The following BMPR1A variants were observed in gnomAD, a reference collection of about 807,000 sequenced individuals.
BMPR1A encodes bone morphogenetic protein receptor type-1A.
A neutral mutation model predicts 66.0 loss-of-function variants in BMPR1A; 7 were observed. The observed-to-expected ratio is 0.11, with a 90% CI of 0.06 to 0.20. BMPR1A has a LOEUF of 0.20. BMPR1A is among the 10% of genes least tolerant of loss of function. The pLI is 1.00. For synonymous variants in BMPR1A, 200 were observed against 229.7 expected, an observed-to-expected ratio of 0.87 and a Z score of 1.17; for missense variants, 408 against 669.1, an observed-to-expected ratio of 0.61 and a Z score of 4.31.
chr10:86,925,721 C>T lies in BMPR1A; in HGVS notation c.*2002C>T, dbSNP rs10634594. 0.012 allele frequency: 1,362 copies of T among 116,994 alleles called. 22 individuals are homozygous for T. The highest frequency in any genetic ancestry group is 0.043 in the Middle Eastern group (12 of 282). 7.2% of individuals were successfully genotyped at this position (116,994 alleles called of 1,614,324 possible). A position where few individuals can be genotyped will look rare whatever the true frequency, so the allele number is the denominator to read the frequency against. The stretch of plus-strand genomic sequence containing the variant: ...CATAATCTTTAAAATCATTTGTCAT[C>T]TTTTTTTTTTTTTTTTTGAGACGGA... On this transcript the variant is annotated 3_prime_UTR_variant, in exon 13 of 13. Coordinates refer to ENST00000372037, the MANE Select transcript of BMPR1A (RefSeq NM_004329.3).
chr10:86,760,232 C>T (rs1041703819), intron 1 of BMPR1A, among the ~76,000 whole-genome samples: 456 of 20,256 alleles, frequency 0.023, no homozygotes, highest in Middle Eastern at 0.033. Context: ...TTTTTTCTTT[C>T]TTTCTTTCTT....
At chr10:86,787,034 T>G (rs1483106510) in intron 1 of BMPR1A, among the ~76,000 whole-genome samples, 1 of 152,228 alleles carries the variant, frequency 6.6e-6, no homozygotes, top group Non-Finnish European at 1.5e-5. Context: ...ATCTTTATTG[T>G]TCTGAGAATA....
intron 1 of BMPR1A, among the ~76,000 whole-genome samples, chr10:86,761,205 A>G (rs762517077): frequency 9.9e-5 from 15 of 152,226 alleles, no homozygotes; most frequent in Non-Finnish European, 1.8e-4. Context: ...AGTTTAATAT[A>G]TAACTAATGA....
rs538644812 is a variant in BMPR1A at position 86,800,009 on chromosome 10, A to C, written c.-267-38856A>C. Among the ~76,000 whole-genome samples the C allele has an allele frequency of 7.9e-5, 12 of 152,318 alleles. 1 individual carries two copies. The East Asian group carries it at 1.9e-3, about 24-fold the overall frequency. ...GAAGATTTAACTAAAAACAAGAAAA[A>C]GAATAGTAGATGAACCATGATTCTT... On this transcript the variant is annotated intron_variant, in intron 1 of 12. Transcript: ENST00000372037.
At chr10:86,917,660 A>G (rs1007779563) in intron 9 of BMPR1A, among the ~76,000 whole-genome samples, 1 of 152,176 alleles carries the variant, frequency 6.6e-6, no homozygotes, top group Non-Finnish European at 1.5e-5. Flanking sequence ...TCCCTTTCAT[A>G]AGCTCAACAG....
chr10:86,812,675 A>T (rs1841987379), intron 1 of BMPR1A, among the ~76,000 whole-genome samples: 1 of 152,206 alleles, frequency 6.6e-6, no homozygotes. Context: ...TTTCAGGTTC[A>T]CAGCAAAATT....
At chr10:86,763,322 C>G (rs1280950841) in intron 1 of BMPR1A, among the ~76,000 whole-genome samples, 2 of 152,112 alleles carry the variant, frequency 1.3e-5, no homozygotes, top group Non-Finnish European at 2.9e-5. Context: ...GTTTCAGCTT[C>G]TAATTTTTTA....
intron 4 of BMPR1A, among the ~76,000 whole-genome samples, chr10:86,891,587 AATTT>A (rs1162705912): frequency 6.6e-6 from 1 of 152,164 alleles, no homozygotes; most frequent in Non-Finnish European, 1.5e-5. Flanking sequence ...TATGTATGTA[AATTT>A]ATTGAAAATT....
chr10:86,921,115 A>G (rs1384003001), intron 10 of BMPR1A, among the ~76,000 whole-genome samples: 1 of 152,012 alleles, frequency 6.6e-6, no homozygotes, highest in Admixed American at 6.5e-5. Context: ...TGGCCTCCCA[A>G]AGTGCTGAGA....
rs1034573168 is a variant in BMPR1A, at chr10:86,845,759, A to C, written c.-153+6780A>C. 6.6e-5 allele frequency among the ~76,000 whole-genome samples: 10 copies of C among 152,172 alleles called. No homozygotes were observed. In the East Asian group the frequency reaches 1.9e-3, roughly 29 times the overall value. On this transcript the variant is annotated intron_variant, in intron 2 of 12. Transcript: ENST00000372037. ...ACGCCTGTAATCCCAGCACTTTGGGAGGCTGAGGCGAGTGGATCATGAGGT... is the reference window on the plus strand; with the variant it reads ...ACGCCTGTAATCCCAGCACTTTGGGCGGCTGAGGCGAGTGGATCATGAGGT...
chr10:86,802,916 C>T (rs1027613341), intron 1 of BMPR1A, among the ~76,000 whole-genome samples: 2 of 139,574 alleles, frequency 1.4e-5, no homozygotes, highest in Non-Finnish European at 3.0e-5. Flanking sequence ...CCAAAAAAGA[C>T]AAAGATTAGC....
intron 10 of BMPR1A, among the ~76,000 whole-genome samples, chr10:86,919,690 T>G (rs765310240): frequency 2.8e-4 from 39 of 139,622 alleles, no homozygotes; most frequent in Non-Finnish European, 4.5e-4. Context: ...TGTTTTTTTT[T>G]GTTTGTTTTT....
At chr10:86,790,142 A>G (rs1841579536) in intron 1 of BMPR1A, among the ~76,000 whole-genome samples, 1 of 121,820 alleles carries the variant, frequency 8.2e-6, no homozygotes, top group Non-Finnish European at 1.7e-5. Flanking sequence ...AGCCTGGACG[A>G]CAGAGCGAGA....
At chr10:86,811,282 A>G (rs1010208382) in intron 1 of BMPR1A, among the ~76,000 whole-genome samples, 1 of 151,448 alleles carries the variant, frequency 6.6e-6, no homozygotes. Context: ...CAAGTGATCC[A>G]CCCGCCTCAG....
At chr10:86,841,878 A>G (rs1173979939) in intron 2 of BMPR1A, among the ~76,000 whole-genome samples, 1 of 152,160 alleles carries the variant, frequency 6.6e-6, no homozygotes, top group African/African-American at 2.4e-5. Flanking sequence ...GTTCCATAAA[A>G]ATCCAAAAGA....
chr10:86,855,736 A>G, intron 2 of BMPR1A: 1 of 888,386 alleles, frequency 1.1e-6, no homozygotes, highest in Admixed American at 2.4e-5. Flanking sequence ...CTTTGAGACC[A>G]GCTTTCTTTT....
chr10:86,774,349 C>T (rs1363591582), intron 1 of BMPR1A, among the ~76,000 whole-genome samples: 1 of 151,696 alleles, frequency 6.6e-6, no homozygotes, highest in Admixed American at 6.6e-5. Context: ...CATTGCTTTC[C>T]TTTTTGTCAA....
At chr10:86,864,615 G>C (rs942482354) in intron 2 of BMPR1A, among the ~76,000 whole-genome samples, 2 of 152,108 alleles carry the variant, frequency 1.3e-5, no homozygotes, top group Non-Finnish European at 2.9e-5. Context: ...CCTAGTGTAT[G>C]ACAACATAAA....
Position 86,917,161 on chromosome 10 carries a change from C to G in BMPR1A, c.703C>G (p.Gln235Glu), listed in dbSNP as rs1554890745. Reference sequence around the variant, plus strand: ...TCAGCGAACTATTGCCAAACAGATTCAGATGGTCCGGCAAGTTGGTAAAGG... The same window carrying G: ...TCAGCGAACTATTGCCAAACAGATTGAGATGGTCCGGCAAGTTGGTAAAGG... ...LVQRTIAKQIQMVRQVGKGRY... is the reference protein window; with the variant it reads ...LVQRTIAKQIEMVRQVGKGRY... Residue 235 changes from glutamine (Q) to glutamate (E), a missense_variant, in exon 9 of 13, where the codon CAG becomes GAG. Physicochemically the swap from Gln to Glu is conservative, Grantham distance 29 (BLOSUM62 2). Coordinates refer to ENST00000372037, the MANE Select transcript of BMPR1A (RefSeq NM_004329.3). 6.2e-7 allele frequency: 1 copy of G among 1,614,000 alleles called. No homozygotes were observed. Among genetic ancestry groups the G allele is most frequent in the Non-Finnish European group, 8.5e-7 (1 of 1,179,972 alleles).
Sources: allele counts gnomAD v4.1 joint callset (sites outside exome capture counted in the v4.1 genomes callset), GRCh38; gene constraint gnomAD v4.1.1; transcripts MANE v1.5; gene names NCBI Gene and HGNC (gene_info 2026-07-23, HGNC 2026-07-21).